NPAS3: variants seen among roughly 807,000 people sequenced by gnomAD.
NPAS3 encodes neuronal PAS domain-containing protein 3.
A neutral mutation model predicts 73.1 loss-of-function variants in NPAS3; 14 were observed. The observed-to-expected ratio is 0.19, with a 90% CI of 0.13 to 0.30. The LOEUF is 0.30. NPAS3 is among the 10% of genes least tolerant of loss of function. The pLI, the probability that NPAS3 is intolerant of heterozygous loss-of-function variation, is 1.00. For missense variants in NPAS3, 1,096 were observed against 1,250.0 expected, an observed-to-expected ratio of 0.88 and a Z score of 1.86; for synonymous variants, 620 against 541.5, an observed-to-expected ratio of 1.14 and a Z score of -2.01.
At chr14:33,030,558 G>A (rs2039953851) in intron 1 of NPAS3, among the ~76,000 whole-genome samples, 1 of 152,158 alleles carries the variant, frequency 6.6e-6, no homozygotes, top group African/African-American at 2.4e-5. Flanking sequence ...GTCATTCAGT[G>A]TTGTAATAGC....
chr14:33,717,549 ATAAAG>A (rs886640723), intron 6 of NPAS3, among the ~76,000 whole-genome samples: 34 of 152,280 alleles, frequency 2.2e-4, no homozygotes, highest in African/African-American at 7.7e-4. Context: ...AATCTGGAAA[ATAAAG>A]TAAAAATTAA....
At chr14:33,332,753 T>G (rs2044042853) in intron 3 of NPAS3, among the ~76,000 whole-genome samples, 1 of 152,138 alleles carries the variant, frequency 6.6e-6, no homozygotes, top group Non-Finnish European at 1.5e-5. Flanking sequence ...TGTTTACAAG[T>G]CAGTTGAATT....
chr14:33,150,293 G>C (rs991407726), intron 2 of NPAS3, among the ~76,000 whole-genome samples: 1 of 152,208 alleles, frequency 6.6e-6, no homozygotes, highest in Non-Finnish European at 1.5e-5. Flanking sequence ...AGGTTTAAGA[G>C]ATTAACTGTC....
At chr14:33,314,778 T>G (rs2043141763) in intron 3 of NPAS3, among the ~76,000 whole-genome samples, 1 of 152,036 alleles carries the variant, frequency 6.6e-6, no homozygotes, top group Non-Finnish European at 1.5e-5. Context: ...AAATTTGGCC[T>G]GGTTTGCTCA....
At chr14:32,990,157 A>G (rs1315924786) in intron 1 of NPAS3, among the ~76,000 whole-genome samples, 1 of 152,218 alleles carries the variant, frequency 6.6e-6, no homozygotes, top group African/African-American at 2.4e-5. Flanking sequence ...TTTGAGACCA[A>G]TGTCTTCCAT....
chr14:33,664,568 AGTGAACAGGCAATC>A (rs2059399062), intron 5 of NPAS3, among the ~76,000 whole-genome samples: 1 of 152,216 alleles, frequency 6.6e-6, no homozygotes, highest in Non-Finnish European at 1.5e-5. Context: ...AAACTATCAG[AGTGAACAGGCAATC>A]TACAGAATGG....
At chr14:33,274,672 A>G (rs749790463) in intron 3 of NPAS3, among the ~76,000 whole-genome samples, 7 of 152,178 alleles carry the variant, frequency 4.6e-5, no homozygotes, top group Admixed American at 1.3e-4. Flanking sequence ...GAGTCATCTC[A>G]GTTGCATAAA....
chr14:33,439,326 T>C lies in NPAS3; in HGVS notation c.468+72058T>C, dbSNP rs191750742. 4.0e-3 allele frequency among the ~76,000 whole-genome samples: 607 copies of C among 152,314 alleles called. 10 individuals are homozygous for C. The highest frequency in any genetic ancestry group is 9.1e-4 in the Non-Finnish European group (62 of 68,028). On this transcript the variant is annotated intron_variant, in intron 4 of 11. Transcript: ENST00000356141. Reference sequence around the variant, plus strand: ...TCATACTGTTCCCAGGGGGCAAATATGTAGTTTGTCTAGATAAAATAAACA... The same window carrying C: ...TCATACTGTTCCCAGGGGGCAAATACGTAGTTTGTCTAGATAAAATAAACA...
At position 33,248,302 on chromosome 14, in the gene NPAS3, T is replaced by C. The variant is rs137949573; in HGVS notation, c.385+32876T>C. 9.1e-4 allele frequency among the ~76,000 whole-genome samples: 139 copies of C among 152,346 alleles called. 2 individuals carry two copies. The East Asian group carries it at 0.024, about 26-fold the overall frequency. On this transcript the variant is annotated intron_variant, in intron 3 of 11. Transcript: ENST00000356141. ...GCCACGTTGGCTGTCATAAAAACAA[T>C]TTAAAATTCTTACCGGTATGTTAAA...
rs76011781 is a variant in NPAS3, at chr14:33,121,169, T to C, written c.140+65175T>C. Among the ~76,000 whole-genome samples, 31 of 152,232 alleles carry C rather than the reference T, an allele frequency of 2.0e-4. No individual in the cohort carries two copies. In the East Asian group the frequency reaches 6.0e-3, roughly 29 times the overall value. On this transcript the variant is annotated intron_variant, in intron 2 of 11. Coordinates refer to ENST00000356141, the Ensembl canonical transcript of NPAS3. ...CTGACCCAAAATCATACCAAGTGACTCATCATGCCCTGAGCACATTGTATT... is the reference window on the plus strand; with the variant it reads ...CTGACCCAAAATCATACCAAGTGACCCATCATGCCCTGAGCACATTGTATT...
chr14:33,265,558 G>C (rs1307630429), intron 3 of NPAS3, among the ~76,000 whole-genome samples: 2 of 151,778 alleles, frequency 1.3e-5, no homozygotes, highest in African/African-American at 4.8e-5. Context: ...GATAAATTAG[G>C]CTCTGTCTTA....
At chr14:33,426,318 C>T (rs1161265883) in intron 4 of NPAS3, among the ~76,000 whole-genome samples, 1 of 152,040 alleles carries the variant, frequency 6.6e-6, no homozygotes, top group African/African-American at 2.4e-5. Context: ...ATGAAGCCTC[C>T]TGGCAGGGAG....
intron 3 of NPAS3, among the ~76,000 whole-genome samples, chr14:33,364,781 C>A (rs570589923): frequency 3.9e-5 from 6 of 151,988 alleles, no homozygotes; most frequent in African/African-American, 7.3e-5. Flanking sequence ...CCCCACCCCC[C>A]ACACCCCCAC....
At chr14:32,967,914 T>A (rs1010900793) in intron 1 of NPAS3, among the ~76,000 whole-genome samples, 1 of 4,792 alleles carries the variant, frequency 2.1e-4, no homozygotes, top group African/African-American at 8.3e-4. Context: ...ATTGTGAGAG[T>A]GTGTGTGTGT....
At chr14:33,336,787 G>C (rs983290242) in intron 3 of NPAS3, among the ~76,000 whole-genome samples, 1 of 152,140 alleles carries the variant, frequency 6.6e-6, no homozygotes, top group Non-Finnish European at 1.5e-5. Flanking sequence ...TGAGAATCTT[G>C]GAAGCCATCT....
chr14:33,253,443 G>T (rs2048662505), intron 3 of NPAS3, among the ~76,000 whole-genome samples: 1 of 152,004 alleles, frequency 6.6e-6, no homozygotes. Flanking sequence ...TTTTTAGGGA[G>T]TAAATTACTT....
intron 4 of NPAS3, among the ~76,000 whole-genome samples, chr14:33,547,894 A>G (rs1030765561): frequency 7.9e-5 from 12 of 152,222 alleles, no homozygotes; most frequent in African/African-American, 2.7e-4. Flanking sequence ...CATTCAAAAT[A>G]TCCTACAAGT....
At chr14:33,422,041 T>C (rs1405921026) in intron 4 of NPAS3, among the ~76,000 whole-genome samples, 1 of 151,872 alleles carries the variant, frequency 6.6e-6, no homozygotes, top group Admixed American at 6.6e-5. Flanking sequence ...AGACAGCAAA[T>C]TGAACTTTCT....
chr14:33,459,663 A>G (rs975175833), intron 4 of NPAS3, among the ~76,000 whole-genome samples: 1 of 152,218 alleles, frequency 6.6e-6, no homozygotes, highest in African/African-American at 2.4e-5. Flanking sequence ...AATGATATAC[A>G]AAAGTTGATT....
Sources: allele counts gnomAD v4.1 joint callset (sites outside exome capture counted in the v4.1 genomes callset), GRCh38; gene constraint gnomAD v4.1.1; transcripts MANE v1.5; gene names NCBI Gene and HGNC (gene_info 2026-07-23, HGNC 2026-07-21).